The following GALNT13 variants were observed in gnomAD, a reference collection of about 807,000 sequenced individuals.
GALNT13 encodes the protein polypeptide N-acetylgalactosaminyltransferase 13, also known as UDP-GalNAc:polypeptide N-acetylgalactosaminyltransferase 13.
Under a neutral mutation model 64.2 loss-of-function variants are expected in GALNT13, and 28 were observed. That is an observed-to-expected ratio of 0.44 (90% CI 0.32 to 0.60). GALNT13 has a LOEUF of 0.60. GALNT13 is among the 20% of genes least tolerant of loss of function. The probability of loss-of-function intolerance (pLI) is 0.05; values close to 1 mark genes in which losing one functional copy is unlikely to be tolerated. For missense variants in GALNT13, 577 were observed against 669.8 expected, an observed-to-expected ratio of 0.86 and a Z score of 1.53; for synonymous variants, 214 against 224.6, an observed-to-expected ratio of 0.95 and a Z score of 0.42.
chr2:153,271,966 A>G, the GALNT13 span, among the ~76,000 whole-genome samples: 14 of 152,306 alleles, frequency 9.2e-5, 1 homozygote, highest in South Asian at 2.3e-3. Context: ...TGCATCAAAC[A>G]TCTACAACCA....
At chr2:154,101,914 G>GCTCC (rs1702367384) in intron 3 of GALNT13, among the ~76,000 whole-genome samples, 1 of 152,010 alleles carries the variant, frequency 6.6e-6, no homozygotes, top group East Asian at 1.9e-4. Context: ...AGTAATTCAG[G>GCTCC]AGCAAGTTGT....
At chr2:153,867,986 T>G (rs1685794538), upstream of GALNT13, among the ~76,000 whole-genome samples, 1 of 152,098 alleles carries the variant, frequency 6.6e-6, no homozygotes, top group Non-Finnish European at 1.5e-5. Flanking sequence ...CTGCCATAGG[T>G]CTGTGGTTCG....
chr2:154,033,920 CAG>C (rs1698498782), intron 3 of GALNT13, among the ~76,000 whole-genome samples: 1 of 152,102 alleles, frequency 6.6e-6, no homozygotes, highest in South Asian at 2.1e-4. Context: ...GCTCTGGCGA[CAG>C]AGCAGGACTC....
At chr2:153,279,105 T>A in the GALNT13 span, among the ~76,000 whole-genome samples, 2 of 152,044 alleles carry the variant, frequency 1.3e-5, no homozygotes, top group Non-Finnish European at 2.9e-5. Context: ...GGTATTTTTT[T>A]GTGTGTGTGT....
At chr2:154,425,022 T>G (rs1441580912) in intron 11 of GALNT13, among the ~76,000 whole-genome samples, 1 of 152,236 alleles carries the variant, frequency 6.6e-6, no homozygotes, top group Non-Finnish European at 1.5e-5. Context: ...AAATTTTGAA[T>G]ATTGTGTCCG....
At chr2:153,709,986 G>A in the GALNT13 span, among the ~76,000 whole-genome samples, 1 of 152,058 alleles carries the variant, frequency 6.6e-6, no homozygotes, top group Admixed American at 6.6e-5. Context: ...CTGTGGGGTG[G>A]ACGCAATGTG....
At chr2:153,314,668 T>A in the GALNT13 span, among the ~76,000 whole-genome samples, 1 of 151,952 alleles carries the variant, frequency 6.6e-6, no homozygotes, top group Non-Finnish European at 1.5e-5. Flanking sequence ...GAAATTAATA[T>A]ACTCTTAACA....
intron 11 of GALNT13, among the ~76,000 whole-genome samples, chr2:154,426,259 C>T (rs1211946245): frequency 6.6e-6 from 1 of 152,180 alleles, no homozygotes; most frequent in African/African-American, 2.4e-5. Flanking sequence ...CTAGAGGCTG[C>T]CCTCCGTTAT....
At chr2:154,438,939 A>G (rs1408002328) in intron 12 of GALNT13, among the ~76,000 whole-genome samples, 1 of 152,156 alleles carries the variant, frequency 6.6e-6, no homozygotes, top group African/African-American at 2.4e-5. Context: ...AATGAGGACA[A>G]TAAAATCAGT....
the GALNT13 span, among the ~76,000 whole-genome samples, chr2:153,366,250 G>A: frequency 1.3e-5 from 2 of 152,022 alleles, no homozygotes; most frequent in African/African-American, 4.8e-5. Context: ...TAAGATGGAG[G>A]GTGAGGGGAA....
chr2:153,136,936 G>T, the GALNT13 span, among the ~76,000 whole-genome samples: 1 of 151,530 alleles, frequency 6.6e-6, no homozygotes, highest in Non-Finnish European at 1.5e-5. Flanking sequence ...AGCTCCATCT[G>T]CCTGTCCTGA....
chr2:153,195,164 G>A, the GALNT13 span, among the ~76,000 whole-genome samples: 2 of 152,096 alleles, frequency 1.3e-5, no homozygotes, highest in African/African-American at 2.4e-5. Context: ...CAGCATGCAT[G>A]GTGTGAGTGA....
intron 4 of GALNT13, among the ~76,000 whole-genome samples, chr2:154,147,438 A>G (rs1025986545): frequency 5.3e-5 from 8 of 150,700 alleles, no homozygotes; most frequent in Admixed American, 6.7e-5. Flanking sequence ...TAGAAGTGCC[A>G]TTGTATCAAG....
chr2:153,307,708 G>A, the GALNT13 span, among the ~76,000 whole-genome samples: 2 of 151,876 alleles, frequency 1.3e-5, no homozygotes, highest in African/African-American at 4.8e-5. Context: ...AATCAAAATT[G>A]TATTATTTAA....
At chr2:153,113,417 G>C in the GALNT13 span, among the ~76,000 whole-genome samples, 1 of 151,986 alleles carries the variant, frequency 6.6e-6, no homozygotes, top group Non-Finnish European at 1.5e-5. Flanking sequence ...CTGTTAGTGA[G>C]TTGTTAAACT....
At chr2:153,263,607 A>G in the GALNT13 span, among the ~76,000 whole-genome samples, 2 of 152,086 alleles carry the variant, frequency 1.3e-5, no homozygotes, top group Admixed American at 6.6e-5. Context: ...ACACATAGAC[A>G]AATGGAACAG....
the GALNT13 span, among the ~76,000 whole-genome samples, chr2:153,525,226 GC>G: frequency 6.6e-6 from 1 of 152,120 alleles, no homozygotes; most frequent in Non-Finnish European, 1.5e-5. Context: ...GAGCCCTTGC[GC>G]CCTGAATAAC....
Position 153,880,062 on chromosome 2 carries a change from T to G in GALNT13, c.-177+7759T>G, listed in dbSNP as rs1418607907. ...AATAACCATATATACTTCAAATACG[T>G]AACTAAGATTTACATCTTTATACTA... On this transcript the variant is annotated intron_variant, in intron 1 of 12. Transcript: ENST00000392825. Among the ~76,000 whole-genome samples, 3 of 152,148 alleles carry G rather than the reference T, an allele frequency of 2.0e-5. No homozygotes were observed. The East Asian group carries it at 5.8e-4, about 29-fold the overall frequency.
At chr2:153,505,610 C>T in the GALNT13 span, among the ~76,000 whole-genome samples, 1 of 151,870 alleles carries the variant, frequency 6.6e-6, no homozygotes, top group Non-Finnish European at 1.5e-5. Context: ...CATTGTTGAC[C>T]CAATGATCAT....
Sources: gnomAD v4.1 joint callset for allele counts (sites outside exome capture counted in the v4.1 genomes callset) on GRCh38, gnomAD v4.1.1 for gene constraint, MANE v1.5 for transcripts, NCBI Gene and HGNC (gene_info 2026-07-23, HGNC 2026-07-21) for gene names.